SLC4A7: variants seen among roughly 807,000 people sequenced by gnomAD.
SLC4A7 encodes solute carrier family 4 member 7.
A neutral mutation model predicts 137.6 loss-of-function variants in SLC4A7; 51 were observed. The observed-to-expected ratio is 0.37, with a 90% CI of 0.30 to 0.47. The LOEUF (loss-of-function observed/expected upper bound fraction) is 0.47, where lower values mean the gene tolerates loss of function less well. SLC4A7 is among the 20% of genes least tolerant of loss of function. The probability of loss-of-function intolerance (pLI) is 1.00; values close to 1 mark genes in which losing one functional copy is unlikely to be tolerated. For missense variants in SLC4A7, 1,247 were observed against 1,525.4 expected (o/e 0.82, Z 3.04); for synonymous variants, 542 against 518.6 (o/e 1.05, Z -0.61).
At chr3:27,397,291 C>T (rs2052282632) in intron 18 of SLC4A7, among the ~76,000 whole-genome samples, 1 of 152,158 alleles carries the variant, frequency 6.6e-6, no homozygotes, top group Non-Finnish European at 1.5e-5. Context: ...GCTGGGATTA[C>T]AGGCACAAGC....
At chr3:27,397,391 A>G (rs1576190689) in intron 18 of SLC4A7, among the ~76,000 whole-genome samples, 1 of 151,318 alleles carries the variant, frequency 6.6e-6, no homozygotes, top group East Asian at 1.9e-4. Flanking sequence ...CAGGTAGGAG[A>G]GCAAAGACTT....
At chr3:27,402,002 T>C (rs1363218106) in intron 15 of SLC4A7, among the ~76,000 whole-genome samples, 1 of 152,174 alleles carries the variant, frequency 6.6e-6, no homozygotes, top group Admixed American at 6.5e-5. Flanking sequence ...CTTTATTCTG[T>C]CCGTCAAAGT....
intron 1 of SLC4A7, among the ~76,000 whole-genome samples, chr3:27,470,959 T>C (rs1576655549): frequency 6.6e-6 from 1 of 151,744 alleles, no homozygotes; most frequent in East Asian, 1.9e-4. Flanking sequence ...TAAAATAAAA[T>C]AAAATAAAAC....
intron 1 of SLC4A7, among the ~76,000 whole-genome samples, chr3:27,480,464 A>T (rs2059660919): frequency 6.6e-6 from 1 of 152,158 alleles, no homozygotes; most frequent in Non-Finnish European, 1.5e-5. Flanking sequence ...CCCTAGGCTC[A>T]AGTGATCCTC....
intron 11 of SLC4A7, among the ~76,000 whole-genome samples, chr3:27,414,216 G>GT (rs1207866831): frequency 2.0e-5 from 3 of 152,184 alleles, no homozygotes; most frequent in Non-Finnish European, 2.9e-5. Context: ...GGAGGCAGAG[G>GT]TTGCAGTGAA....
intron 3 of SLC4A7, among the ~76,000 whole-genome samples, chr3:27,445,187 G>A (rs1231619093): frequency 6.6e-6 from 1 of 152,154 alleles, no homozygotes; most frequent in Non-Finnish European, 1.5e-5. Flanking sequence ...CCGGGCCACA[G>A]GTAGTTTCCT....
intron 2 of SLC4A7, among the ~76,000 whole-genome samples, chr3:27,450,874 C>T (rs1206567952): frequency 2.0e-5 from 3 of 151,866 alleles, no homozygotes; most frequent in Non-Finnish European, 4.4e-5. Flanking sequence ...AACTTGATAC[C>T]AAACTTGAAG....
intron 1 of SLC4A7, among the ~76,000 whole-genome samples, chr3:27,457,405 AC>A (rs1446105089): frequency 6.6e-6 from 1 of 152,134 alleles, no homozygotes; most frequent in Non-Finnish European, 1.5e-5. Context: ...TCTCATATCT[AC>A]TTCTGCAGTC....
chr3:27,465,601 C>G (rs2058943818), intron 1 of SLC4A7, among the ~76,000 whole-genome samples: 2 of 151,676 alleles, frequency 1.3e-5, no homozygotes, highest in Non-Finnish European at 2.9e-5. Context: ...GCTTAAAATT[C>G]TAATTGTGAA....
chr3:27,453,748 T>C (rs1354542257), intron 1 of SLC4A7, among the ~76,000 whole-genome samples: 1 of 152,234 alleles, frequency 6.6e-6, no homozygotes, highest in Non-Finnish European at 1.5e-5. Flanking sequence ...CTATCCAAAC[T>C]ACCACTATTT....
intron 1 of SLC4A7, among the ~76,000 whole-genome samples, chr3:27,456,083 T>C (rs1454683143): frequency 6.6e-6 from 1 of 152,058 alleles, no homozygotes; most frequent in African/African-American, 2.4e-5. Flanking sequence ...GGTCAAATTA[T>C]CAAAAATGAC....
chr3:27,478,104 G>A (rs1576688526), intron 1 of SLC4A7, among the ~76,000 whole-genome samples: 1 of 152,058 alleles, frequency 6.6e-6, no homozygotes, highest in Non-Finnish European at 1.5e-5. Flanking sequence ...CTGGAATCCA[G>A]AGAGAGGGAG....
chr3:27,376,863 TTAAAA>T lies in SLC4A7; in HGVS notation c.3699-23_3699-19del, dbSNP rs773843917. 32 of 1,277,846 alleles carry T rather than the reference TTAAAA, an allele frequency of 2.5e-5. No homozygotes were observed. Among genetic ancestry groups the T allele is most frequent in the Non-Finnish European group, 3.3e-5 (31 of 927,138 alleles). 79.2% of individuals were successfully genotyped at this position (1,277,846 alleles called of 1,614,324 possible). A position where few individuals can be genotyped will look rare whatever the true frequency, so the allele number is the denominator to read the frequency against. On this transcript the variant is annotated intron_variant, in intron 25 of 25. Transcript: ENST00000454389. ...TATCAGGACTATTTAAAACAAAGAA[TTAAAA>T]TAAATAATTTTAAAATATAAATATT...
intron 22 of SLC4A7, among the ~76,000 whole-genome samples, chr3:27,387,382 C>G (rs2051077709): frequency 6.6e-6 from 1 of 152,202 alleles, no homozygotes; most frequent in South Asian, 2.1e-4. Context: ...AGACAAGATA[C>G]AGAACATTTC....
At chr3:27,436,104 T>G (rs2056719320) in intron 5 of SLC4A7, among the ~76,000 whole-genome samples, 1 of 152,224 alleles carries the variant, frequency 6.6e-6, no homozygotes, top group South Asian at 2.1e-4. Context: ...TCTCTGTGGC[T>G]ATTCCCCACA....
chr3:27,442,028 G>A (rs752299472), intron 3 of SLC4A7, among the ~76,000 whole-genome samples: 4 of 151,256 alleles, frequency 2.6e-5, no homozygotes, highest in Middle Eastern at 3.2e-3. Context: ...CTGGTGGCAC[G>A]TGCCACCACA....
Position 27,394,968 on chromosome 3 carries a change from C to A in SLC4A7, c.2851G>T (p.Glu951Ter). The change falls in exon 19 of 26, where the codon GAA becomes TAA. Residue 951 changes from glutamate (E) to a stop codon, truncating the protein, a stop_gained. Transcript: ENST00000454389. LOFTEE classifies it high-confidence loss of function. ...QITAVIINRK[E>*]HKLKKGAGYH... ...TCTAAAATTACCTTCAATTTGTGTTCCTTTCTGTTTATAATTACAGCTGTG... is the reference window on the plus strand; with the variant it reads ...TCTAAAATTACCTTCAATTTGTGTTACTTTCTGTTTATAATTACAGCTGTG... The A allele has an allele frequency of 6.3e-7, 1 of 1,596,730 alleles. No homozygotes were observed. The highest frequency in any genetic ancestry group is 1.2e-5 in the South Asian group (1 of 86,692).
chr3:27,450,810 T>C (rs2058026387), intron 2 of SLC4A7, among the ~76,000 whole-genome samples: 2 of 152,126 alleles, frequency 1.3e-5, no homozygotes, highest in Non-Finnish European at 2.9e-5. Flanking sequence ...GCCCTTACTT[T>C]ATTCTATCAA....
chr3:27,463,082 G>A (rs1356819810), intron 1 of SLC4A7, among the ~76,000 whole-genome samples: 1 of 151,728 alleles, frequency 6.6e-6, no homozygotes, highest in Non-Finnish European at 1.5e-5. Context: ...ATCACCCGAG[G>A]TCAGGAGAGA....
Sources: allele counts gnomAD v4.1 joint callset (sites outside exome capture counted in the v4.1 genomes callset), GRCh38; gene constraint gnomAD v4.1.1; transcripts MANE v1.5; gene names NCBI Gene and HGNC (gene_info 2026-07-23, HGNC 2026-07-21).